The following PMF1 variants were observed in gnomAD, a reference collection of about 807,000 sequenced individuals.
PMF1 encodes the protein polyamine modulated factor 1.
PMF1 carries 21 observed loss-of-function variants against 26.7 expected under a neutral mutation model. The observed-to-expected ratio is 0.79, with a 90% confidence interval of 0.56 to 1.13. The LOEUF (loss-of-function observed/expected upper bound fraction) is 1.13, where lower values mean the gene tolerates loss of function less well. Ranked by LOEUF, PMF1 falls within the 50% of genes most tolerant of loss-of-function variation. PMF1 has a pLI of 0.00. For synonymous variants in PMF1, 105 were observed against 101.0 expected, an observed-to-expected ratio of 1.04 and a Z score of -0.24; for missense variants, 266 against 254.9, an observed-to-expected ratio of 1.04 and a Z score of -0.30.
intron 1 of PMF1, among the ~76,000 whole-genome samples, chr1:156,230,289 C>T (rs903961510): frequency 2.0e-4 from 30 of 152,208 alleles, no homozygotes; most frequent in Admixed American, 1.3e-4. Context: ...GCAAGTCACT[C>T]GAACACCGCT....
Position 156,239,636 on chromosome 1 carries a change from A to C in PMF1, c.*35A>C, listed in dbSNP as rs550081632. 5.0e-6 allele frequency: 8 copies of C among 1,589,994 alleles called. No individual in the cohort carries two copies. In the South Asian group the frequency reaches 7.8e-5, roughly 15 times the overall value. The stretch of plus-strand genomic sequence containing the variant: ...CAGCCCCAGAAGCAGAGGGCAGTCA[A>C]GGTCAAGAGCCTGTGGTCCAGCATG... On this transcript the variant is annotated 3_prime_UTR_variant, in exon 5 of 5. Transcript: ENST00000368277.
intron 3 of PMF1, among the ~76,000 whole-genome samples, chr1:156,235,695 C>A (rs1658973362): frequency 6.6e-6 from 1 of 152,114 alleles, no homozygotes; most frequent in South Asian, 2.1e-4. Flanking sequence ...CCTGCCTTGG[C>A]CTCCCAAAGT....
At chr1:156,224,898 G>C (rs1272633977) in intron 1 of PMF1, among the ~76,000 whole-genome samples, 1 of 136,114 alleles carries the variant, frequency 7.3e-6, no homozygotes, top group Admixed American at 7.2e-5. Context: ...ACCAAATGGA[G>C]AATTTTTTTT....
At chr1:156,233,984 C>T (rs1658862001) in intron 3 of PMF1, among the ~76,000 whole-genome samples, 1 of 151,916 alleles carries the variant, frequency 6.6e-6, no homozygotes, top group South Asian at 2.1e-4. Flanking sequence ...CCTGTAATCC[C>T]AGTTATTCAG....
intron 1 of PMF1, chr1:156,224,045 T>G (rs2103095136): frequency 6.6e-6 from 1 of 152,318 alleles, no homozygotes; most frequent in Non-Finnish European, 1.5e-5. Context: ...TCAGGAAAAG[T>G]ATCCCAATTT....
intron 3 of PMF1, 123 bp downstream of exon 3, chr1:156,233,851 A>G (rs1242065907): frequency 1.2e-5 from 11 of 887,602 alleles, no homozygotes; most frequent in Non-Finnish European, 6.7e-6. Context: ...CCTGGCCTTA[A>G]GCTGTCCTCC....
chr1:156,224,569 G>A (rs1466770546), intron 1 of PMF1, among the ~76,000 whole-genome samples: 2 of 152,082 alleles, frequency 1.3e-5, no homozygotes, highest in Non-Finnish European at 2.9e-5. Context: ...GAGGTCAGGA[G>A]ACCGAGACCA....
intron 1 of PMF1, among the ~76,000 whole-genome samples, chr1:156,225,186 T>C (rs1017787498): frequency 6.6e-6 from 1 of 151,020 alleles, no homozygotes; most frequent in Non-Finnish European, 1.5e-5. Context: ...AGGCATGAGC[T>C]ACCATGCCCT....
At chr1:156,237,030 G>C (rs1659060482) in intron 4 of PMF1, 1 of 153,760 alleles carries the variant, frequency 6.5e-6, no homozygotes, top group South Asian at 2.0e-4. Context: ...TCATCACTTT[G>C]AGTATTTATC....
At chr1:156,214,884 ATTT>A (rs1307641968) in intron 1 of PMF1, among the ~76,000 whole-genome samples, 29 of 138,212 alleles carry the variant, frequency 2.1e-4, no homozygotes, top group African/African-American at 7.7e-4. Flanking sequence ...TATTATTATT[ATTT>A]TTTTTTTTTA....
Position 156,229,394 on chromosome 1 carries a change from T to G in PMF1, c.162-2926T>G, listed in dbSNP as rs956231411. On this transcript the variant is annotated intron_variant, in intron 1 of 4. Coordinates refer to ENST00000368277, the MANE Select transcript of PMF1 (RefSeq NM_007221.4). ...CCAATTTCCAAGGTGTAGATACTCC[T>G]AAGCTACCAACATGGCATCACTAGA... is the stretch of plus-strand genomic sequence containing the variant. 2.0e-5 allele frequency among the ~76,000 whole-genome samples: 3 copies of G among 151,454 alleles called. No homozygotes were observed. The South Asian group carries it at 6.3e-4, about 32-fold the overall frequency.
intron 4 of PMF1, among the ~76,000 whole-genome samples, chr1:156,237,653 G>A (rs1188995168): frequency 6.6e-6 from 1 of 151,794 alleles, no homozygotes; most frequent in Non-Finnish European, 1.5e-5. Flanking sequence ...CACCATGTTG[G>A]CCAGGCTGGT....
chr1:156,235,510 T>C (rs2758612), intron 3 of PMF1, among the ~76,000 whole-genome samples: 56,260 of 139,712 alleles, frequency 0.4, 11,698 homozygotes, highest in African/African-American at 0.54. Flanking sequence ...GGCGCGATCT[T>C]GGCTCACTGC....
intron 3 of PMF1, among the ~76,000 whole-genome samples, chr1:156,234,810 C>G (rs770315462): frequency 1.3e-5 from 2 of 151,878 alleles, no homozygotes; most frequent in African/African-American, 4.8e-5. Context: ...CGCCCAGCCT[C>G]GATACTGTTT....
At chr1:156,219,027 C>T (rs1156834759) in intron 1 of PMF1, among the ~76,000 whole-genome samples, 1 of 151,772 alleles carries the variant, frequency 6.6e-6, no homozygotes, top group African/African-American at 2.4e-5. Context: ...AAGCAATTCT[C>T]ATGCCTCAGC....
At chr1:156,233,975 C>G (rs551577364) in intron 3 of PMF1, among the ~76,000 whole-genome samples, 2 of 152,106 alleles carry the variant, frequency 1.3e-5, no homozygotes, top group South Asian at 2.1e-4. Context: ...TGACTCATGC[C>G]TGTAATCCCA....
chr1:156,239,166 G>GTTGT (rs1659210296), intron 4 of PMF1, among the ~76,000 whole-genome samples: 1 of 152,174 alleles, frequency 6.6e-6, no homozygotes, highest in South Asian at 2.1e-4. Flanking sequence ...AGACCCTCAC[G>GTTGT]TTGTTTGACA....
At chr1:156,214,840 G>A (rs1657599710) in intron 1 of PMF1, among the ~76,000 whole-genome samples, 1 of 151,012 alleles carries the variant, frequency 6.6e-6, no homozygotes, top group Admixed American at 6.6e-5. Flanking sequence ...GCTGGAACTT[G>A]AAGGATGAGA....
intron 1 of PMF1, among the ~76,000 whole-genome samples, chr1:156,230,054 G>A (rs1342153319): frequency 6.6e-6 from 1 of 152,156 alleles, no homozygotes; most frequent in Non-Finnish European, 1.5e-5. Context: ...ATTGTTTGGG[G>A]GCGGGTTTCG....
Sources: allele counts gnomAD v4.1 joint callset (sites outside exome capture counted in the v4.1 genomes callset), GRCh38; gene constraint gnomAD v4.1.1; transcripts MANE v1.5; gene names NCBI Gene and HGNC (gene_info 2026-07-23, HGNC 2026-07-21).